The following KIRREL3 variants were observed in gnomAD, a reference collection of about 807,000 sequenced individuals.
KIRREL3 encodes kin of IRRE-like protein 3.
KIRREL3 carries 36 observed loss-of-function variants against 89.7 expected under a neutral mutation model. The observed-to-expected ratio is 0.40, with a 90% CI of 0.31 to 0.53. The LOEUF (loss-of-function observed/expected upper bound fraction) is 0.53, where lower values mean the gene tolerates loss of function less well. Ranked by LOEUF, KIRREL3 falls within the 20% of genes least tolerant of loss-of-function variation. The probability of loss-of-function intolerance (pLI) is 0.49; values close to 1 mark genes in which losing one functional copy is unlikely to be tolerated. For missense variants in KIRREL3, 864 were observed against 1,056.6 expected, an observed-to-expected ratio of 0.82 and a Z score of 2.53; for synonymous variants, 445 against 441.4, an observed-to-expected ratio of 1.01 and a Z score of -0.10.
At chr11:126,659,001 G>A (rs1253448794) in intron 1 of KIRREL3, among the ~76,000 whole-genome samples, 1 of 152,202 alleles carries the variant, frequency 6.6e-6, no homozygotes, top group Non-Finnish European at 1.5e-5. Context: ...AGGAGACGAG[G>A]CCAGTGGGCA....
At chr11:126,481,731 A>G (rs1420676996) in intron 4 of KIRREL3, among the ~76,000 whole-genome samples, 1 of 152,210 alleles carries the variant, frequency 6.6e-6, no homozygotes, top group African/African-American at 2.4e-5. Flanking sequence ...CTTGGATTAC[A>G]ATAGTGCTTC....
chr11:126,547,724 G>A (rs1938926768), intron 2 of KIRREL3, among the ~76,000 whole-genome samples: 1 of 152,218 alleles, frequency 6.6e-6, no homozygotes, highest in Non-Finnish European at 1.5e-5. Context: ...TCAGTGAATG[G>A]TGGGAGATTT....
In KIRREL3 at chr11:126,830,166, A is replaced by C. The variant is rs1034149742; in HGVS notation, c.55+170289T>G. 6.6e-6 allele frequency among the ~76,000 whole-genome samples: 1 copy of C among 152,204 alleles called. No individual in the cohort carries two copies. Among genetic ancestry groups the C allele is most frequent in the Non-Finnish European group, 1.5e-5 (1 of 68,032 alleles). ...CTGGCTTACCTGGAAGTTGTTCATG[A>C]ATGAACAACCCTTGCTAATCACTCT... On this transcript the variant is annotated intron_variant, in intron 1 of 16. Coordinates refer to ENST00000525144, the MANE Select transcript of KIRREL3 (RefSeq NM_032531.4). The surrounding 1 kb of genome is among the most constrained non-coding windows in gnomAD (Gnocchi z 4.9).
At chr11:126,923,381 T>C (rs1376262553) in intron 1 of KIRREL3, among the ~76,000 whole-genome samples, 1 of 908 alleles carries the variant, frequency 1.1e-3, no homozygotes, top group Non-Finnish European at 2.2e-3. Flanking sequence ...TTCTTCCTTC[T>C]TCTTCTTCCT....
In KIRREL3 at chr11:126,983,047, G is replaced by A. The variant is rs540344301; in HGVS notation, c.55+17408C>T. On this transcript the variant is annotated intron_variant, in intron 1 of 16. Coordinates refer to ENST00000525144, the MANE Select transcript of KIRREL3 (RefSeq NM_032531.4). The surrounding 1 kb of genome is among the most constrained non-coding windows in gnomAD (Gnocchi z 4.9). ...TAGTAACTCCATTGATTATGTAAGC[G>A]TAATTTGTGCCAAGTCATAGTATGA... Among the ~76,000 whole-genome samples, 6 of 152,272 alleles carry A rather than the reference G, an allele frequency of 3.9e-5. No homozygotes were observed. Among genetic ancestry groups the A allele is most frequent in the East Asian group, 3.9e-4 (2 of 5,174 alleles).
intron 1 of KIRREL3, among the ~76,000 whole-genome samples, chr11:126,670,647 G>T (rs147956472): frequency 2.0e-5 from 3 of 152,336 alleles, no homozygotes; most frequent in East Asian, 3.9e-4. Context: ...TCAATAGAAA[G>T]TTGGAATCGT....
At chr11:126,552,931 C>A (rs1939404884) in intron 2 of KIRREL3, among the ~76,000 whole-genome samples, 1 of 152,096 alleles carries the variant, frequency 6.6e-6, no homozygotes, top group East Asian at 1.9e-4. Context: ...CAGTGTACTC[C>A]TTCCTTAGCA....
rs1394931947 is a variant in KIRREL3 at position 126,991,256 on chromosome 11, C to G, written c.55+9199G>C. Among the ~76,000 whole-genome samples the G allele has an allele frequency of 2.6e-5, 4 of 152,136 alleles. No homozygotes were observed. The highest frequency in any genetic ancestry group is 5.9e-5 in the Non-Finnish European group (4 of 68,024). On this transcript the variant is annotated intron_variant, in intron 1 of 16. Coordinates refer to ENST00000525144, the MANE Select transcript of KIRREL3 (RefSeq NM_032531.4). This position sits in a 1 kb window ranked among gnomAD's most constrained non-coding sequence, Gnocchi z 5.8. The stretch of plus-strand genomic sequence containing the variant: ...ACTTAGTCAGGTTCTTCTTCTGCCT[C>G]CTGCCAGGGGCCCTCTCAGCATCTC...
In KIRREL3 at chr11:126,687,583, T is replaced by A. The variant is rs962271611; in HGVS notation, c.56-124671A>T. Among the ~76,000 whole-genome samples, 3 of 152,210 alleles carry A rather than the reference T, an allele frequency of 2.0e-5. No homozygotes were observed. The highest frequency in any genetic ancestry group is 2.9e-5 in the Non-Finnish European group (2 of 68,040). On this transcript the variant is annotated intron_variant, in intron 1 of 16. Coordinates refer to ENST00000525144, the MANE Select transcript of KIRREL3 (RefSeq NM_032531.4). The surrounding 1 kb of genome is among the most constrained non-coding windows in gnomAD (Gnocchi z 4.6). ...AGGAGGTCTACTTCCTAAGACATTCTTCTGCTACCATCTCTTGCATGCTCA... is the reference window on the plus strand; with the variant it reads ...AGGAGGTCTACTTCCTAAGACATTCATCTGCTACCATCTCTTGCATGCTCA...
Position 126,541,600 on chromosome 11 carries a change from T to G in KIRREL3, c.134-14913A>C, listed in dbSNP as rs1216954662. On this transcript the variant is annotated intron_variant, in intron 2 of 16. Transcript: ENST00000525144. This position sits in a 1 kb window ranked among gnomAD's most constrained non-coding sequence, Gnocchi z 4.8. ...AACTTCCATGTGCATGAGGATCACCTGGGGGACTGGCTAAAAATAACAGTT... is the reference window on the plus strand; with the variant it reads ...AACTTCCATGTGCATGAGGATCACCGGGGGGACTGGCTAAAAATAACAGTT... Among the ~76,000 whole-genome samples the G allele has an allele frequency of 6.6e-6, 1 of 152,202 alleles. No homozygotes were observed. Among genetic ancestry groups the G allele is most frequent in the Non-Finnish European group, 1.5e-5 (1 of 68,026 alleles).
rs1171541176 is a variant in KIRREL3, at chr11:126,537,251, C to T, written c.134-10564G>A. ...GAGTGTGGGCAGCCCAGCTGAAACC[C>T]TGCCTGCACCCCTCAACTCTCAGGA... On this transcript the variant is annotated intron_variant, in intron 2 of 16. Coordinates refer to ENST00000525144, the MANE Select transcript of KIRREL3 (RefSeq NM_032531.4). The surrounding 1 kb of genome is among the most constrained non-coding windows in gnomAD (Gnocchi z 4.3). Among the ~76,000 whole-genome samples the T allele has an allele frequency of 2.6e-5, 4 of 152,296 alleles. No individual in the cohort carries two copies. The East Asian group carries it at 7.7e-4, about 29-fold the overall frequency.
At chr11:126,925,690 G>T (rs189333912) in intron 1 of KIRREL3, among the ~76,000 whole-genome samples, 191 of 152,312 alleles carry the variant, frequency 1.3e-3, no homozygotes, top group African/African-American at 3.8e-3. Flanking sequence ...ACTGGGTTAA[G>T]GTGAGAACGT....
intron 1 of KIRREL3, among the ~76,000 whole-genome samples, chr11:126,868,064 G>A (rs377126940): frequency 8.2e-6 from 1 of 121,220 alleles, no homozygotes; most frequent in African/African-American, 3.1e-5. Context: ...GACTGGGGGT[G>A]GGGGGTGGGT....
intron 6 of KIRREL3, among the ~76,000 whole-genome samples, chr11:126,457,185 ATG>A (rs35883463): frequency 0.17 from 23,954 of 142,848 alleles, 2,051 homozygotes; most frequent in East Asian, 0.23. Flanking sequence ...AAGAGAGATT[ATG>A]TGTGTGTGTG....
At position 126,997,447 on chromosome 11, in the gene KIRREL3, G is replaced by A. The variant is rs941600535; in HGVS notation, c.55+3008C>T. 2.0e-5 allele frequency among the ~76,000 whole-genome samples: 3 copies of A among 152,220 alleles called. No homozygotes were observed. The highest frequency in any genetic ancestry group is 2.0e-4 in the Admixed American group (3 of 15,296). On this transcript the variant is annotated intron_variant, in intron 1 of 16. Coordinates refer to ENST00000525144, the MANE Select transcript of KIRREL3 (RefSeq NM_032531.4). This position sits in a 1 kb window ranked among gnomAD's most constrained non-coding sequence, Gnocchi z 4.3. ...GAGCCAGGCCTGGGGACTCTGGCGGGGGTGGAATCGGGAGGAATGTTATTT... is the reference window on the plus strand; with the variant it reads ...GAGCCAGGCCTGGGGACTCTGGCGGAGGTGGAATCGGGAGGAATGTTATTT...
At chr11:126,650,292 T>C (rs1263422877) in intron 1 of KIRREL3, among the ~76,000 whole-genome samples, 3 of 152,264 alleles carry the variant, frequency 2.0e-5, no homozygotes, top group African/African-American at 7.2e-5. Flanking sequence ...TCATTACTTA[T>C]GCAAATTTCT....
chr11:126,532,953 T>C (rs1364550584), intron 2 of KIRREL3, among the ~76,000 whole-genome samples: 1 of 152,030 alleles, frequency 6.6e-6, no homozygotes, highest in Non-Finnish European at 1.5e-5. Flanking sequence ...GCTATAAAAT[T>C]AGTAATTGCT....
intron 1 of KIRREL3, among the ~76,000 whole-genome samples, chr11:126,819,053 C>T (rs953417238): frequency 2.0e-5 from 3 of 152,156 alleles, no homozygotes; most frequent in Non-Finnish European, 4.4e-5. Context: ...AGGAAGGTGG[C>T]AGCCATGTGC....
chr11:127,002,538 T>C (rs1429488289), upstream of KIRREL3, among the ~76,000 whole-genome samples: 1 of 152,178 alleles, frequency 6.6e-6, no homozygotes, highest in Non-Finnish European at 1.5e-5. Flanking sequence ...TTAAATAACA[T>C]ATGCCAAATA....
Sources: gnomAD v4.1 joint callset for allele counts (sites outside exome capture counted in the v4.1 genomes callset) on GRCh38, gnomAD v4.1.1 for gene constraint, Gnocchi (gnomAD v3.1) non-coding constraint, MANE v1.5 for transcripts, NCBI Gene and HGNC (gene_info 2026-07-23, HGNC 2026-07-21) for gene names.